The following ANK3 variants were observed in gnomAD, a reference collection of about 807,000 sequenced individuals.
ANK3 encodes ankyrin 3, also known as ankyrin-3.
ANK3 carries 57 observed loss-of-function variants against 370.9 expected under a neutral mutation model. The observed-to-expected ratio is 0.15, with a 90% CI of 0.12 to 0.19. The LOEUF (loss-of-function observed/expected upper bound fraction) is 0.19. Among genes scored for constraint, ANK3 ranks in the 10% least tolerant of loss-of-function variants. ANK3 has a pLI of 1.00. For missense variants in ANK3, 4,439 were observed against 5,302.1 expected (o/e 0.84, Z 5.06); for synonymous variants, 1,929 against 1,946.3 (o/e 0.99, Z 0.23).
chr10:60,088,616 G>C (rs527384248), intron 28 of ANK3, among the ~76,000 whole-genome samples: 1 of 152,058 alleles, frequency 6.6e-6, no homozygotes, highest in East Asian at 1.9e-4. Flanking sequence ...GTAGAGACAG[G>C]GTTTCTCCAT....
At chr10:60,161,523 G>A (rs2095499942) in intron 23 of ANK3, among the ~76,000 whole-genome samples, 2 of 152,014 alleles carry the variant, frequency 1.3e-5, no homozygotes, top group African/African-American at 4.8e-5. Flanking sequence ...AAGAAAATAT[G>A]GTACATACAC....
intron 8 of ANK3, among the ~76,000 whole-genome samples, chr10:60,233,372 C>T (rs1178801163): frequency 1.3e-5 from 2 of 152,136 alleles, no homozygotes; most frequent in East Asian, 3.8e-4. Flanking sequence ...TGCATCACTC[C>T]AAAGAAGCAA....
chr10:60,732,910 C>G (rs958520682), intron 1 of ANK3, among the ~76,000 whole-genome samples: 1 of 151,870 alleles, frequency 6.6e-6, no homozygotes, highest in South Asian at 2.1e-4. Context: ...GACGAGAGAC[C>G]GAGGTGAGGG....
chr10:60,515,707 G>A (rs1033440914), intron 2 of ANK3, among the ~76,000 whole-genome samples: 2 of 152,034 alleles, frequency 1.3e-5, no homozygotes, highest in Non-Finnish European at 2.9e-5. Flanking sequence ...TTACAGCCTT[G>A]GGACATGAGA....
At chr10:60,207,180 G>A (rs2096776122) in intron 10 of ANK3, among the ~76,000 whole-genome samples, 1 of 152,122 alleles carries the variant, frequency 6.6e-6, no homozygotes, top group African/African-American at 2.4e-5. Context: ...TCTGGGGTCT[G>A]GAGAGTTTCT....
chr10:60,556,829 C>G (rs2077217431), intron 2 of ANK3, among the ~76,000 whole-genome samples: 1 of 152,182 alleles, frequency 6.6e-6, no homozygotes, highest in Non-Finnish European at 1.5e-5. Context: ...CTGTTAGGAA[C>G]TGGGTCACAC....
chr10:60,115,063 G>A (rs548611517), intron 25 of ANK3, among the ~76,000 whole-genome samples: 8 of 152,296 alleles, frequency 5.3e-5, no homozygotes, highest in South Asian at 4.1e-4. Context: ...GCTGAATTCC[G>A]AAGCTGTGCA....
chr10:60,229,577 C>CT (rs1038894116), intron 8 of ANK3, among the ~76,000 whole-genome samples: 1 of 152,132 alleles, frequency 6.6e-6, no homozygotes, highest in African/African-American at 2.4e-5. Context: ...CCCCTGACAC[C>CT]TTCCCAGGCA....
chr10:60,429,542 T>C (rs991428748), intron 2 of ANK3, among the ~76,000 whole-genome samples: 1 of 152,202 alleles, frequency 6.6e-6, no homozygotes, highest in Non-Finnish European at 1.5e-5. Flanking sequence ...AAAGTAAGCA[T>C]GATTTTTAAG....
At chr10:60,541,306 A>G (rs2076842817) in intron 2 of ANK3, among the ~76,000 whole-genome samples, 1 of 151,986 alleles carries the variant, frequency 6.6e-6, no homozygotes, top group South Asian at 2.1e-4. Flanking sequence ...GTTGGTCTCT[A>G]TATTGTTCAT....
chr10:60,479,772 G>A (rs904197781), intron 2 of ANK3, among the ~76,000 whole-genome samples: 26 of 151,898 alleles, frequency 1.7e-4, no homozygotes, highest in African/African-American at 6.3e-4. Flanking sequence ...TCAAGGTTCA[G>A]TTCAAACACA....
intron 2 of ANK3, among the ~76,000 whole-genome samples, chr10:60,601,959 G>C (rs2078070373): frequency 6.6e-6 from 1 of 152,096 alleles, no homozygotes; most frequent in African/African-American, 2.4e-5. Context: ...AGCGTATATA[G>C]ATGCAGTCAT....
chr10:60,100,218 T>C (rs2090953082), intron 28 of ANK3, among the ~76,000 whole-genome samples: 1 of 149,140 alleles, frequency 6.7e-6, no homozygotes, highest in Non-Finnish European at 1.5e-5. Flanking sequence ...AGGCTGAAAG[T>C]CAGTATTTTG....
At chr10:60,217,269 C>A (rs1047278622) in intron 8 of ANK3, among the ~76,000 whole-genome samples, 1 of 151,486 alleles carries the variant, frequency 6.6e-6, no homozygotes, top group African/African-American at 2.4e-5. Context: ...TCCTTTAATT[C>A]TTCTCTTAGT....
At chr10:60,308,050 T>C (rs1249226670) in intron 1 of ANK3, among the ~76,000 whole-genome samples, 1 of 152,174 alleles carries the variant, frequency 6.6e-6, no homozygotes, top group Non-Finnish European at 1.5e-5. Context: ...ACACAGACAT[T>C]ATTCAAAGGA....
At chr10:60,353,647 G>A (rs905636493) in intron 1 of ANK3, among the ~76,000 whole-genome samples, 3 of 152,160 alleles carry the variant, frequency 2.0e-5, no homozygotes, top group Admixed American at 6.5e-5. Flanking sequence ...GATAACAGGC[G>A]CCATCTCTCA....
At chr10:60,554,643 T>C (rs1193637731) in intron 2 of ANK3, among the ~76,000 whole-genome samples, 1 of 152,216 alleles carries the variant, frequency 6.6e-6, no homozygotes, top group Non-Finnish European at 1.5e-5. Flanking sequence ...CAATAGATGC[T>C]GACATCTTCA....
intron 1 of ANK3, among the ~76,000 whole-genome samples, chr10:60,619,512 C>T (rs1273397562): frequency 6.6e-6 from 1 of 152,066 alleles, no homozygotes; most frequent in East Asian, 1.9e-4. Context: ...ATAGGCCAGG[C>T]CATATATTCA....
At chr10:60,240,823 G>A (rs1269619823) in intron 7 of ANK3, among the ~76,000 whole-genome samples, 7 of 152,230 alleles carry the variant, frequency 4.6e-5, no homozygotes, top group South Asian at 4.1e-4. Context: ...AACTTCTGAC[G>A]TCAAGTGATC....
Sources: gnomAD v4.1 joint callset for allele counts (sites outside exome capture counted in the v4.1 genomes callset) on GRCh38, gnomAD v4.1.1 for gene constraint, MANE v1.5 for transcripts, NCBI Gene and HGNC (gene_info 2026-07-23, HGNC 2026-07-21) for gene names.